The following C1orf21 variants were observed in gnomAD, a reference collection of about 807,000 sequenced individuals.
The protein encoded by C1orf21 is uncharacterized protein C1orf21.
In C1orf21, 3 loss-of-function variants were observed where a neutral mutation model predicts 18.7. That is an observed-to-expected ratio of 0.16 (90% CI 0.07 to 0.42). The LOEUF (loss-of-function observed/expected upper bound fraction) is 0.42. C1orf21 is among the 10% of genes least tolerant of loss of function. The probability of loss-of-function intolerance (pLI) is 0.99; values close to 1 mark genes in which losing one functional copy is unlikely to be tolerated. For missense variants in C1orf21, 104 were observed against 143.6 expected, an observed-to-expected ratio of 0.72 and a Z score of 1.41; for synonymous variants, 41 against 46.4, an observed-to-expected ratio of 0.88 and a Z score of 0.47.
intron 2 of C1orf21, among the ~76,000 whole-genome samples, chr1:184,493,862 C>T (rs1343735486): frequency 1.3e-5 from 2 of 152,136 alleles, no homozygotes; most frequent in African/African-American, 4.8e-5. Context: ...AAATGGCCAG[C>T]ATGTTAAAAT....
intron 1 of C1orf21, among the ~76,000 whole-genome samples, chr1:184,398,161 G>A (rs1656092256): frequency 6.6e-6 from 1 of 152,280 alleles, no homozygotes; most frequent in South Asian, 2.1e-4. Flanking sequence ...GGCAATAATT[G>A]ACAATAGTAA....
chr1:184,430,113 C>CAAAAA (rs34368090), intron 1 of C1orf21, among the ~76,000 whole-genome samples: 1 of 100,324 alleles, frequency 1.0e-5, no homozygotes. Flanking sequence ...CTCCGTCTCA[C>CAAAAA]AAAAAAAAAA....
intron 3 of C1orf21, among the ~76,000 whole-genome samples, chr1:184,590,093 A>G (rs1273221050): frequency 6.6e-6 from 1 of 152,234 alleles, no homozygotes; most frequent in African/African-American, 2.4e-5. Flanking sequence ...CAGTAGTATT[A>G]TTGAGATCAT....
At chr1:184,470,496 G>A (rs1657478743) in intron 1 of C1orf21, among the ~76,000 whole-genome samples, 1 of 152,158 alleles carries the variant, frequency 6.6e-6, no homozygotes, top group South Asian at 2.1e-4. Flanking sequence ...AGTCACAGGT[G>A]TCTTTCTGTA....
At chr1:184,604,731 A>C (rs1387624522) in intron 5 of C1orf21, among the ~76,000 whole-genome samples, 1 of 152,198 alleles carries the variant, frequency 6.6e-6, no homozygotes, top group Non-Finnish European at 1.5e-5. Flanking sequence ...CCACTGGTGA[A>C]GTGTGTGCAT....
intron 3 of C1orf21, among the ~76,000 whole-genome samples, chr1:184,510,055 A>G (rs1277728409): frequency 1.3e-5 from 2 of 152,226 alleles, no homozygotes; most frequent in African/African-American, 2.4e-5. Context: ...CACCTGTAAG[A>G]GTTAGGCATC....
At chr1:184,421,148 A>T (rs1656541246) in intron 1 of C1orf21, among the ~76,000 whole-genome samples, 1 of 152,120 alleles carries the variant, frequency 6.6e-6, no homozygotes, top group Admixed American at 6.5e-5. Flanking sequence ...TGTTTTAGAG[A>T]CAGGGTCTTA....
chr1:184,577,953 G>GTTTTTTT (rs1257021237), intron 3 of C1orf21, among the ~76,000 whole-genome samples: 14 of 108,944 alleles, frequency 1.3e-4, no homozygotes, highest in Non-Finnish European at 2.3e-4. Context: ...TTTTGTTTTT[G>GTTTTTTT]TTTTTTTTTT....
At chr1:184,612,450 G>A (rs903372798) in intron 5 of C1orf21, among the ~76,000 whole-genome samples, 1 of 152,224 alleles carries the variant, frequency 6.6e-6, no homozygotes, top group Non-Finnish European at 1.5e-5. Flanking sequence ...CTGAGGCCGG[G>A]TGTGGTGACT....
chr1:184,605,155 T>A (rs975154957), intron 5 of C1orf21, among the ~76,000 whole-genome samples: 1 of 152,204 alleles, frequency 6.6e-6, no homozygotes, highest in Non-Finnish European at 1.5e-5. Flanking sequence ...CTAGTTCTCA[T>A]TCAGCTTCTC....
intron 5 of C1orf21, among the ~76,000 whole-genome samples, chr1:184,610,629 G>T (rs926441901): frequency 3.3e-5 from 5 of 152,096 alleles, no homozygotes; most frequent in African/African-American, 1.2e-4. Context: ...GGCGGATCAC[G>T]AGGTCAAGAG....
At chr1:184,578,302 A>G (rs555957604) in intron 3 of C1orf21, among the ~76,000 whole-genome samples, 4 of 152,310 alleles carry the variant, frequency 2.6e-5, no homozygotes, top group African/African-American at 9.6e-5. Flanking sequence ...GGCAACAGGC[A>G]TAGTTAATAG....
chr1:184,420,018 G>A (rs1443591905), intron 1 of C1orf21, among the ~76,000 whole-genome samples: 1 of 152,136 alleles, frequency 6.6e-6, no homozygotes, highest in Non-Finnish European at 1.5e-5. Context: ...AGATGGAGAC[G>A]TAGATGGCAG....
intron 4 of C1orf21, among the ~76,000 whole-genome samples, chr1:184,592,557 TA>T (rs1659454073): frequency 2.0e-5 from 3 of 152,250 alleles, no homozygotes; most frequent in Non-Finnish European, 4.4e-5. Context: ...AAATCTCTAT[TA>T]GTGTTTCACC....
intron 3 of C1orf21, among the ~76,000 whole-genome samples, chr1:184,569,754 A>G (rs981994396): frequency 1.3e-4 from 20 of 152,228 alleles, no homozygotes; most frequent in African/African-American, 4.8e-4. Flanking sequence ...ACTGGCTGTG[A>G]CAGGGTGGTA....
chr1:184,447,254 C>G (rs1021283421), intron 1 of C1orf21, among the ~76,000 whole-genome samples: 1 of 152,176 alleles, frequency 6.6e-6, no homozygotes. Context: ...TTCGAAGGAT[C>G]TGTCATTCCT....
chr1:184,423,106 A>G (rs939789815), intron 1 of C1orf21, among the ~76,000 whole-genome samples: 1 of 152,220 alleles, frequency 6.6e-6, no homozygotes, highest in South Asian at 2.1e-4. Flanking sequence ...CAAGGAGACA[A>G]TGTGTATCGG....
intron 3 of C1orf21, among the ~76,000 whole-genome samples, chr1:184,532,381 T>G (rs904773091): frequency 1.3e-5 from 2 of 152,186 alleles, no homozygotes; most frequent in African/African-American, 4.8e-5. Context: ...GCTGCTATTA[T>G]TAGTAGTGTT....
intron 1 of C1orf21, among the ~76,000 whole-genome samples, chr1:184,426,714 A>G (rs1451762203): frequency 1.3e-5 from 2 of 152,046 alleles, no homozygotes; most frequent in East Asian, 1.9e-4. Context: ...GCTGATAATT[A>G]TTTGTATAAT....
Sources: allele counts gnomAD v4.1 joint callset (sites outside exome capture counted in the v4.1 genomes callset), GRCh38; gene constraint gnomAD v4.1.1; transcripts MANE v1.5; gene names NCBI Gene and HGNC (gene_info 2026-07-23, HGNC 2026-07-21).